NR2F1-AS1: variants seen among roughly 807,000 people sequenced by gnomAD.
The protein encoded by NR2F1-AS1 is NR2F1 antisense RNA 1.
At chr5:93,442,477 G>T (rs1029122625) in intron 4 of NR2F1-AS1, among the ~76,000 whole-genome samples, 1 of 152,206 alleles carries the variant, frequency 6.6e-6, no homozygotes, top group African/African-American at 2.4e-5. Flanking sequence ...CTGCAAGGCA[G>T]CAGTGAGGCT....
intron 4 of NR2F1-AS1, among the ~76,000 whole-genome samples, chr5:93,506,517 AT>A (rs1252175275): frequency 6.6e-6 from 1 of 152,234 alleles, no homozygotes; most frequent in Non-Finnish European, 1.5e-5. Flanking sequence ...AAGAGGTTTA[AT>A]TGAACTTACA....
intron 4 of NR2F1-AS1, among the ~76,000 whole-genome samples, chr5:93,484,233 T>C (rs1159880225): frequency 6.6e-6 from 1 of 152,138 alleles, no homozygotes; most frequent in East Asian, 1.9e-4. Flanking sequence ...GGGAAGCCCA[T>C]CAGACTAACA....
chr5:93,533,177 T>A (rs753898504), intron 4 of NR2F1-AS1, among the ~76,000 whole-genome samples: 3 of 152,224 alleles, frequency 2.0e-5, no homozygotes, highest in Non-Finnish European at 4.4e-5. Flanking sequence ...TTTTGGTGAT[T>A]CCTTTAAAAT....
chr5:93,519,955 CCTCT>C lies in NR2F1-AS1; in HGVS notation n.638+33802_638+33805del, dbSNP rs1751470450. On this transcript the variant is annotated intron_variant and non_coding_transcript_variant, in intron 4 of 5. Transcript: ENST00000660523. ...TCTCCTAGCAGAGGTTTTTAAAAAT[CCTCT>C]CTATTTATGGAAAGACAGTTAAGCA... Among the ~76,000 whole-genome samples the C allele has an allele frequency of 3.9e-5, 6 of 151,910 alleles. No individual in the cohort carries two copies. In the South Asian group the frequency reaches 1.0e-3, roughly 26 times the overall value.
intron 4 of NR2F1-AS1, among the ~76,000 whole-genome samples, chr5:93,440,862 A>G (rs1183308656): frequency 2.6e-5 from 4 of 152,204 alleles, no homozygotes; most frequent in African/African-American, 9.7e-5. Context: ...TATCTCATCT[A>G]AGCCTCCAAA....
At chr5:93,544,932 A>T (rs1369245658) in intron 4 of NR2F1-AS1, 1 of 151,984 alleles carries the variant, frequency 6.6e-6, no homozygotes, top group Admixed American at 6.6e-5. Context: ...AAAAAAAAAA[A>T]AAAAAAAGAG....
chr5:93,572,369 G>A (rs1053513818), intron 1 of NR2F1-AS1, among the ~76,000 whole-genome samples: 1 of 152,230 alleles, frequency 6.6e-6, no homozygotes, highest in African/African-American at 2.4e-5. Context: ...CGCCCGGCTT[G>A]TGGGTATCCA....
intron 4 of NR2F1-AS1, chr5:93,409,535 G>A (rs1748806894): frequency 6.6e-6 from 1 of 152,126 alleles, no homozygotes; most frequent in Non-Finnish European, 1.5e-5. Context: ...CTACAGTTTA[G>A]TAGAACACAA....
intron 4 of NR2F1-AS1, among the ~76,000 whole-genome samples, chr5:93,436,835 T>A (rs1749442222): frequency 6.6e-6 from 1 of 152,100 alleles, no homozygotes; most frequent in South Asian, 2.1e-4. Flanking sequence ...ATAATTTAAA[T>A]CACCTGACTA....
chr5:93,508,766 T>C (rs1201453664), intron 4 of NR2F1-AS1, among the ~76,000 whole-genome samples: 1 of 151,848 alleles, frequency 6.6e-6, no homozygotes, highest in Non-Finnish European at 1.5e-5. Context: ...AGAAATGAAA[T>C]GTAAATGGAC....
chr5:93,526,500 C>T (rs529705935), intron 4 of NR2F1-AS1, among the ~76,000 whole-genome samples: 23 of 152,248 alleles, frequency 1.5e-4, no homozygotes, highest in Non-Finnish European at 2.6e-4. Context: ...TTTTATGAGA[C>T]CAGGGTCATC....
intron 4 of NR2F1-AS1, among the ~76,000 whole-genome samples, chr5:93,511,536 G>C (rs1751295384): frequency 6.6e-6 from 1 of 152,130 alleles, no homozygotes; most frequent in African/African-American, 2.4e-5. Context: ...TATGACTGTG[G>C]TCTCAAAAGA....
At chr5:93,566,525 T>C (rs1320048964) in intron 1 of NR2F1-AS1, among the ~76,000 whole-genome samples, 2 of 152,048 alleles carry the variant, frequency 1.3e-5, no homozygotes, top group Admixed American at 1.3e-4. Flanking sequence ...AGATTAAATA[T>C]ATGCAAAACG....
chr5:93,415,632 T>C (rs1748952139), intron 4 of NR2F1-AS1, among the ~76,000 whole-genome samples: 1 of 152,198 alleles, frequency 6.6e-6, no homozygotes, highest in African/African-American at 2.4e-5. Context: ...CTGACTTAAC[T>C]TTTTTAAATG....
At chr5:93,449,815 G>C (rs1359618428) in intron 4 of NR2F1-AS1, among the ~76,000 whole-genome samples, 1 of 152,084 alleles carries the variant, frequency 6.6e-6, no homozygotes, top group African/African-American at 2.4e-5. Flanking sequence ...ATACCTATTA[G>C]AGCAGCCTAC....
intron 2 of NR2F1-AS1, among the ~76,000 whole-genome samples, chr5:93,561,031 T>C (rs1401520114): frequency 6.6e-6 from 1 of 152,340 alleles, no homozygotes; most frequent in East Asian, 1.9e-4. Context: ...CCCAGCACTT[T>C]GGGATACCGA....
chr5:93,451,320 G>GA (rs35059457), intron 4 of NR2F1-AS1, among the ~76,000 whole-genome samples: 4,049 of 78,306 alleles, frequency 0.052, 87 homozygotes, highest in South Asian at 0.094. Context: ...TAGGGTTTTT[G>GA]AAAAAAAAAA....
At chr5:93,491,099 G>T (rs1165921183) in intron 4 of NR2F1-AS1, among the ~76,000 whole-genome samples, 1 of 150,626 alleles carries the variant, frequency 6.6e-6, no homozygotes, top group Non-Finnish European at 1.5e-5. Context: ...GGTGGTTGTA[G>T]TCATGCTGGT....
intron 4 of NR2F1-AS1, among the ~76,000 whole-genome samples, chr5:93,473,620 TTATATA>T (rs956625907): frequency 4.6e-5 from 7 of 150,582 alleles, no homozygotes; most frequent in Non-Finnish European, 8.9e-5. Context: ...AATATATATA[TTATATA>T]TATAAAGTAT....
Sources: gnomAD v4.1 joint callset for allele counts (sites outside exome capture counted in the v4.1 genomes callset) on GRCh38, gnomAD v4.1.1 for gene constraint, MANE v1.5 for transcripts, NCBI Gene and HGNC (gene_info 2026-07-23, HGNC 2026-07-21) for gene names.